MOCOS: variants seen among roughly 807,000 people sequenced by gnomAD.
MOCOS encodes the protein molybdenum cofactor sulfurase.
Under a neutral mutation model 83.6 loss-of-function variants are expected in MOCOS, and 86 were observed. The ratio of observed to expected loss-of-function variants is 1.03; its 90% CI spans 0.86 to 1.23. The LOEUF (loss-of-function observed/expected upper bound fraction) is 1.23, where lower values mean the gene tolerates loss of function less well. Ranked by LOEUF, MOCOS falls within the 50% of genes most tolerant of loss-of-function variation. The pLI, the probability that MOCOS is intolerant of heterozygous loss-of-function variation, is 0.00. For synonymous variants in MOCOS, 445 were observed against 434.7 expected, an observed-to-expected ratio of 1.02 and a Z score of -0.29; for missense variants, 1,120 against 1,126.9, an observed-to-expected ratio of 0.99 and a Z score of 0.09.
chr18:36,231,845 G>A (rs1328936754), intron 9 of MOCOS, among the ~76,000 whole-genome samples: 1 of 152,206 alleles, frequency 6.6e-6, no homozygotes, highest in African/African-American at 2.4e-5. Flanking sequence ...AACTTGCTCA[G>A]TGCACATACT....
chr18:36,226,172 A>G (rs2091514552), intron 9 of MOCOS, among the ~76,000 whole-genome samples: 1 of 151,912 alleles, frequency 6.6e-6, no homozygotes, highest in South Asian at 2.1e-4. Flanking sequence ...GGTTCTGTCA[A>G]TGTTTGCTTT....
chr18:36,200,329 C>T lies in MOCOS; in HGVS notation c.941+5C>T. 6.2e-7 allele frequency: 1 copy of T among 1,613,902 alleles called. No homozygotes were observed. Among genetic ancestry groups the T allele is most frequent in the Non-Finnish European group, 8.5e-7 (1 of 1,180,018 alleles). On this transcript the variant is annotated splice_donor_5th_base_variant and intron_variant, in intron 4 of 14. Transcript: ENST00000261326. ...GAGGCAGTCGGTAGCTCAGAGGTAA[C>T]CTTGCCACAGGGGAGGGGTCAGAGG...
chr18:36,199,902 G>C lies in MOCOS; in HGVS notation c.519G>C (p.Arg173Ser). The C allele has an allele frequency of 6.2e-7, 1 of 1,613,996 alleles. No individual in the cohort carries two copies. Among genetic ancestry groups the C allele is most frequent in the Non-Finnish European group, 8.5e-7 (1 of 1,179,918 alleles). ...MAINVISTPV[R>S]PEDLWSAEER... ...TAAATGTCATATCCACCCCGGTCAG[G>C]CCAGAGGACCTGTGGTCTGCAGAGG... is the stretch of plus-strand genomic sequence containing the variant. The change falls in exon 4 of 15, where the codon AGG becomes AGC. Residue 173 changes from arginine to serine, a missense_variant. Coordinates refer to ENST00000261326, the MANE Select transcript of MOCOS (RefSeq NM_017947.4).
At chr18:36,237,987 T>C (rs2091565919) in intron 9 of MOCOS, among the ~76,000 whole-genome samples, 1 of 152,150 alleles carries the variant, frequency 6.6e-6, no homozygotes, top group Non-Finnish European at 1.5e-5. Flanking sequence ...TATCCCCTTT[T>C]ATCATTTTTT....
chr18:36,251,274 C>T lies in MOCOS; in HGVS notation c.2155C>T (p.His719Tyr), dbSNP rs754083460. 5 of 1,614,030 alleles carry T rather than the reference C, an allele frequency of 3.1e-6. No homozygotes were observed. The Admixed American group carries it at 6.7e-5, about 22-fold the overall frequency. ...CTCTCAAAGGAATGCAAAGAAGAAACATGGAAAAGGTATTACATTTTGAAT... is the reference window on the plus strand; with the variant it reads ...CTCTCAAAGGAATGCAAAGAAGAAATATGGAAAAGGTATTACATTTTGAAT... The part of the protein sequence containing the change: ...SNSQRNAKKK[H>Y]GKDQLPGTMA... Residue 719 changes from histidine to tyrosine, a missense_variant, in exon 11 of 15, where the codon CAT becomes TAT. His to Tyr is a moderately conservative substitution (Grantham distance 83). Coordinates refer to ENST00000261326, the MANE Select transcript of MOCOS (RefSeq NM_017947.4).
At chr18:36,216,723 AT>A (rs1457112601) in intron 8 of MOCOS, among the ~76,000 whole-genome samples, 1 of 152,246 alleles carries the variant, frequency 6.6e-6, no homozygotes, top group Non-Finnish European at 1.5e-5. Flanking sequence ...GGATATCTGC[AT>A]ATTCTGAAAA....
At chr18:36,259,520 T>A in intron 12 of MOCOS, among the ~76,000 whole-genome samples, 1 of 143,828 alleles carries the variant, frequency 7.0e-6, no homozygotes, top group African/African-American at 2.6e-5. Context: ...AATTAGGAAA[T>A]ACTATCTTCT....
intron 6 of MOCOS, 71 bp downstream of exon 6, chr18:36,205,347 G>A (rs2091430981): frequency 7.5e-6 from 11 of 1,471,390 alleles, no homozygotes; most frequent in Admixed American, 1.7e-5. Context: ...AATGTAGTGT[G>A]ACAAAGTCCA....
intron 12 of MOCOS, among the ~76,000 whole-genome samples, chr18:36,258,467 T>A (rs752327666): frequency 6.6e-6 from 1 of 152,170 alleles, no homozygotes; most frequent in Non-Finnish European, 1.5e-5. Context: ...TTGTTGCAGA[T>A]GAGGAAATTG....
At chr18:36,189,875 A>G (rs1238771704) in intron 1 of MOCOS, 2 of 152,210 alleles carry the variant, frequency 1.3e-5, no homozygotes, top group Non-Finnish European at 2.9e-5. Context: ...ATAGCAGCTC[A>G]TTTAACCTTT....
chr18:36,213,625 C>T lies in MOCOS; in HGVS notation c.1335+143C>T, dbSNP rs574054397. On this transcript the variant is annotated intron_variant, in intron 7 of 14. Transcript: ENST00000261326. ...GTGCATGTACAAAGGAAAAGGAATA[C>T]AAATGGAAAATGCTTCAAGAAGGCC... The T allele has an allele frequency of 5.2e-6, 4 of 774,392 alleles. No individual in the cohort carries two copies. The East Asian group carries it at 8.1e-5, about 16-fold the overall frequency. The allele number at this position is 774,392 out of a possible 1,614,324, so 48.0% of individuals were successfully genotyped here.
intron 11 of MOCOS, among the ~76,000 whole-genome samples, chr18:36,252,804 A>G (rs146597198): frequency 1.3e-5 from 2 of 152,370 alleles, no homozygotes; most frequent in African/African-American, 4.8e-5. Context: ...TGCATAGTTT[A>G]ACCTACAAAT....
At chr18:36,239,959 T>C (rs929617689) in intron 9 of MOCOS, among the ~76,000 whole-genome samples, 4 of 148,524 alleles carry the variant, frequency 2.7e-5, no homozygotes, top group African/African-American at 1.0e-4. Flanking sequence ...CTTCGTGTAG[T>C]TCTCGAGCCT....
chr18:36,207,687 A>C (rs1235576356), intron 6 of MOCOS, among the ~76,000 whole-genome samples: 1 of 151,726 alleles, frequency 6.6e-6, no homozygotes, highest in Non-Finnish European at 1.5e-5. Flanking sequence ...TAGCTTCCAG[A>C]TATTAGACCT....
chr18:36,200,521 C>A (rs1019215910), intron 4 of MOCOS, among the ~76,000 whole-genome samples, 197 bp downstream of exon 4: 3 of 152,156 alleles, frequency 2.0e-5, no homozygotes, highest in African/African-American at 7.2e-5. Context: ...GTTCAGTGAA[C>A]TCTACCCCCA....
intron 6 of MOCOS, among the ~76,000 whole-genome samples, chr18:36,206,892 A>G (rs1390317957): frequency 6.6e-6 from 1 of 152,204 alleles, no homozygotes; most frequent in Non-Finnish European, 1.5e-5. Context: ...ACTGATGGGC[A>G]TATAGGTTGA....
intron 2 of MOCOS, among the ~76,000 whole-genome samples, chr18:36,198,425 TTTTG>T (rs1568049004): frequency 1.3e-5 from 2 of 152,178 alleles, no homozygotes; most frequent in Non-Finnish European, 2.9e-5. Flanking sequence ...ATGTAGCATA[TTTTG>T]TTTATCTGTT....
intron 9 of MOCOS, among the ~76,000 whole-genome samples, chr18:36,236,601 A>T (rs2091560018): frequency 8.0e-6 from 1 of 124,470 alleles, no homozygotes. Context: ...CTTAGGATTG[A>T]CTTGGCAATG....
At chr18:36,263,917 C>G (rs2091672714) in intron 13 of MOCOS, among the ~76,000 whole-genome samples, 1 of 152,074 alleles carries the variant, frequency 6.6e-6, no homozygotes, top group Non-Finnish European at 1.5e-5. Flanking sequence ...TGGCTCATGC[C>G]TATAATCCCA....
Sources: gnomAD v4.1 joint callset for allele counts (sites outside exome capture counted in the v4.1 genomes callset) on GRCh38, gnomAD v4.1.1 for gene constraint, MANE v1.5 for transcripts, NCBI Gene and HGNC (gene_info 2026-07-23, HGNC 2026-07-21) for gene names.